The following MAN1A2 variants were observed in gnomAD, a reference collection of about 807,000 sequenced individuals.
The protein encoded by MAN1A2 is mannosidase alpha class 1A member 2, also known as mannosyl-oligosaccharide 1,2-alpha-mannosidase IB.
In MAN1A2, 26 loss-of-function variants were observed where a neutral mutation model predicts 75.7. The ratio of observed to expected loss-of-function variants is 0.34; its 90% CI spans 0.25 to 0.48. The LOEUF is 0.48. Among genes scored for constraint, MAN1A2 ranks in the 20% least tolerant of loss-of-function variants. The pLI, the probability that MAN1A2 is intolerant of heterozygous loss-of-function variation, is 0.99. For missense variants in MAN1A2, 562 were observed against 775.5 expected (o/e 0.72, Z 3.27); for synonymous variants, 247 against 264.6 (o/e 0.93, Z 0.65).
chr1:117,493,984 A>G (rs1398545287), intron 9 of MAN1A2: 2 of 152,084 alleles, frequency 1.3e-5, no homozygotes, highest in African/African-American at 2.4e-5. Context: ...ACACACTTAT[A>G]TAGTATTTTC....
chr1:117,509,492 C>T (rs1651466704), intron 12 of MAN1A2, among the ~76,000 whole-genome samples: 1 of 151,768 alleles, frequency 6.6e-6, no homozygotes. Flanking sequence ...TGGCCCCTGC[C>T]CCGACTTGGA....
intron 1 of MAN1A2, among the ~76,000 whole-genome samples, chr1:117,382,692 A>G (rs978831584): frequency 1.3e-5 from 2 of 152,078 alleles, no homozygotes; most frequent in Non-Finnish European, 2.9e-5. Context: ...TATGAACTTT[A>G]AAGTAGTTTT....
At chr1:117,509,974 C>T (rs1403588480) in intron 12 of MAN1A2, among the ~76,000 whole-genome samples, 1 of 151,480 alleles carries the variant, frequency 6.6e-6, no homozygotes, top group Non-Finnish European at 1.5e-5. Context: ...CTTTTTTCTC[C>T]ATATATAAGA....
chr1:117,463,559 A>C (rs1460251328), intron 7 of MAN1A2, among the ~76,000 whole-genome samples: 1 of 152,070 alleles, frequency 6.6e-6, no homozygotes, highest in East Asian at 1.9e-4. Context: ...AGGAGAAATC[A>C]ACAAAGTTCA....
At chr1:117,501,881 T>C (rs968710274) in intron 11 of MAN1A2, among the ~76,000 whole-genome samples, 5 of 151,786 alleles carry the variant, frequency 3.3e-5, no homozygotes, top group African/African-American at 1.2e-4. Context: ...TTGGATGACC[T>C]TGCAGGGTTA....
chr1:117,370,056 C>T (rs1353467954), intron 1 of MAN1A2, among the ~76,000 whole-genome samples: 1 of 152,084 alleles, frequency 6.6e-6, no homozygotes, highest in East Asian at 1.9e-4. Flanking sequence ...CAAAAATTCT[C>T]AGTAAATGGA....
chr1:117,500,029 T>C (rs957926532), intron 11 of MAN1A2, among the ~76,000 whole-genome samples: 1 of 151,826 alleles, frequency 6.6e-6, no homozygotes, highest in African/African-American at 2.4e-5. Context: ...ACAATCTAGA[T>C]AGAATGACTA....
intron 1 of MAN1A2, among the ~76,000 whole-genome samples, chr1:117,397,542 G>T (rs995714868): frequency 6.6e-6 from 1 of 151,892 alleles, no homozygotes; most frequent in East Asian, 1.9e-4. Context: ...TGTTATTAAG[G>T]GGTCTCACCA....
chr1:117,457,527 A>C (rs1386139525), intron 6 of MAN1A2, among the ~76,000 whole-genome samples: 4 of 152,052 alleles, frequency 2.6e-5, no homozygotes. Context: ...TTAATATTTT[A>C]GATTCTTCCT....
chr1:117,467,936 G>C (rs943749219), intron 8 of MAN1A2, among the ~76,000 whole-genome samples: 28 of 151,928 alleles, frequency 1.8e-4, no homozygotes, highest in Non-Finnish European at 1.9e-4. Context: ...CTAAAAAAAG[G>C]GTTGAATATA....
chr1:117,368,807 G>A (rs1652859065), intron 1 of MAN1A2, among the ~76,000 whole-genome samples: 1 of 152,136 alleles, frequency 6.6e-6, no homozygotes, highest in South Asian at 2.1e-4. Flanking sequence ...TTAACCTAAA[G>A]AAATGGTGAC....
chr1:117,397,682 C>CTTTTT (rs1647227838), intron 1 of MAN1A2, among the ~76,000 whole-genome samples: 1 of 109,296 alleles, frequency 9.1e-6, no homozygotes, highest in African/African-American at 3.5e-5. Context: ...CGTAGTTTCG[C>CTTTTT]TTTTGTTGGC....
Position 117,522,956 on chromosome 1 carries a change from G to A in MAN1A2, c.1925G>A (p.Ter642=), listed in dbSNP as rs1651909181. The A allele has an allele frequency of 1.2e-6, 2 of 1,610,722 alleles. No homozygotes were observed. The highest frequency in any genetic ancestry group is 1.7e-6 in the Non-Finnish European group (2 of 1,178,306). The stretch of plus-strand genomic sequence containing the variant: ...CTTTCAGGTAATCCTGCTGTTCGAT[G>A]AAAGCAGTTCCAGAAGGACCATTCT... ...TTLSGNPAVR[*] is the part of the protein sequence containing the mutation. The change falls in exon 13 of 13, where the codon TGA becomes TAA. Residue 642 remains the stop codon, a stop_retained_variant. Coordinates refer to ENST00000356554, the MANE Select transcript of MAN1A2 (RefSeq NM_006699.5).
At chr1:117,394,498 T>C (rs1450960138) in intron 1 of MAN1A2, among the ~76,000 whole-genome samples, 3 of 152,252 alleles carry the variant, frequency 2.0e-5, no homozygotes, top group Non-Finnish European at 4.4e-5. Context: ...TTTTGTAGTT[T>C]ATCAAGAATG....
intron 6 of MAN1A2, among the ~76,000 whole-genome samples, chr1:117,442,792 G>A (rs778756256): frequency 6.6e-6 from 1 of 152,090 alleles, no homozygotes; most frequent in South Asian, 2.1e-4. Context: ...AAAGAAAGAC[G>A]TAATTTATGA....
chr1:117,513,429 A>G (rs1317242571), intron 12 of MAN1A2, among the ~76,000 whole-genome samples: 2 of 151,938 alleles, frequency 1.3e-5, no homozygotes, highest in African/African-American at 4.8e-5. Flanking sequence ...CTTTCTATTG[A>G]TGAGTATTAT....
chr1:117,397,067 C>T (rs1431311675), intron 1 of MAN1A2, among the ~76,000 whole-genome samples: 1 of 117,522 alleles, frequency 8.5e-6, no homozygotes, highest in Non-Finnish European at 2.0e-5. Flanking sequence ...CCTCTTGGAA[C>T]CCAGTTAATA....
In MAN1A2 at chr1:117,526,880, C is replaced by CTCTCTCTATATA; in HGVS notation, c.*3924_*3925insCTCTCTATATAT. The CTCTCTCTATATA allele has an allele frequency of 2.3e-3, 125 of 54,490 alleles. No homozygotes were observed. Among genetic ancestry groups the CTCTCTCTATATA allele is most frequent in the Non-Finnish European group, 2.9e-3 (84 of 29,152 alleles). The allele number at this position is 54,490 out of a possible 1,614,324, so 3.4% of individuals were successfully genotyped here. ...TCTCTCTCTCTCTCTCTCTCTCTCTCTATATATATATATATATATATATAT... is the reference window on the plus strand; with the variant it reads ...TCTCTCTCTCTCTCTCTCTCTCTCTCTCTCTCTATATATATATATATATATATATATATATAT... On this transcript the variant is annotated 3_prime_UTR_variant, in exon 13 of 13. Transcript: ENST00000356554.
chr1:117,458,523 A>ATAGATATAGATAT (rs1553236643), intron 6 of MAN1A2, among the ~76,000 whole-genome samples: 23 of 105,610 alleles, frequency 2.2e-4, no homozygotes, highest in Middle Eastern at 5.2e-3. Flanking sequence ...ATATATATAT[A>ATAGATATAGATAT]TTTTTTTTTT....
Sources: gnomAD v4.1 joint callset for allele counts (sites outside exome capture counted in the v4.1 genomes callset) on GRCh38, gnomAD v4.1.1 for gene constraint, MANE v1.5 for transcripts, NCBI Gene and HGNC (gene_info 2026-07-23, HGNC 2026-07-21) for gene names.